MUSK: variants seen among roughly 807,000 people sequenced by gnomAD.
MUSK encodes the protein muscle, skeletal receptor tyrosine-protein kinase.
Under a neutral mutation model 88.7 loss-of-function variants are expected in MUSK, and 55 were observed. The observed-to-expected ratio is 0.62, with a 90% confidence interval of 0.50 to 0.78. The LOEUF (loss-of-function observed/expected upper bound fraction) is 0.78. Ranked by LOEUF, MUSK falls within the 30% of genes least tolerant of loss-of-function variation. MUSK has a pLI of 0.00. For missense variants in MUSK, 1,015 were observed against 1,074.3 expected (o/e 0.94, Z 0.77); for synonymous variants, 387 against 391.9 (o/e 0.99, Z 0.15).
intron 5 of MUSK, 82 bp downstream of exon 5, chr9:110,697,548 A>G (rs1388214352): frequency 2.8e-6 from 4 of 1,448,776 alleles, no homozygotes; most frequent in Non-Finnish European, 2.8e-6. Context: ...GGCTTGGGAG[A>G]GAAGAGATGT....
At chr9:110,681,087 A>AT in intron 1 of MUSK, among the ~76,000 whole-genome samples, 1 of 16,142 alleles carries the variant, frequency 6.2e-5, no homozygotes, top group African/African-American at 5.1e-4. Flanking sequence ...ATATTATATA[A>AT]TATATATTAT....
intron 5 of MUSK, among the ~76,000 whole-genome samples, chr9:110,703,702 A>C (rs2076560319): frequency 6.6e-6 from 1 of 152,148 alleles, no homozygotes; most frequent in Non-Finnish European, 1.5e-5. Flanking sequence ...TTCAGAATTT[A>C]GAATTCAGTG....
intron 1 of MUSK, among the ~76,000 whole-genome samples, chr9:110,672,838 C>T (rs1276957449): frequency 6.6e-6 from 1 of 152,174 alleles, no homozygotes. Flanking sequence ...TAGTCATATG[C>T]GAGAGCCCAT....
At chr9:110,748,136 TC>T (rs1278673781) in intron 7 of MUSK, 1 of 402,220 alleles carries the variant, frequency 2.5e-6, no homozygotes, top group East Asian at 6.3e-5. Flanking sequence ...CTCCCTTTTT[TC>T]CTTCCTTCTT....
chr9:110,729,548 T>A (rs1425571722), intron 5 of MUSK, among the ~76,000 whole-genome samples: 1 of 151,922 alleles, frequency 6.6e-6, no homozygotes, highest in African/African-American at 2.4e-5. Context: ...AGATAATGTT[T>A]TCTTATTTTT....
chr9:110,680,004 G>A (rs962886922), intron 1 of MUSK, among the ~76,000 whole-genome samples: 2 of 151,928 alleles, frequency 1.3e-5, no homozygotes, highest in East Asian at 3.8e-4. Context: ...TTATGCTATT[G>A]TTTTTTATAA....
chr9:110,702,400 G>A (rs957918896), intron 5 of MUSK, among the ~76,000 whole-genome samples: 4 of 152,096 alleles, frequency 2.6e-5, no homozygotes, highest in African/African-American at 9.7e-5. Flanking sequence ...GTATAAAGCT[G>A]AGAACCACAA....
At chr9:110,670,591 G>A (rs1476112014) in intron 1 of MUSK, among the ~76,000 whole-genome samples, 1 of 151,976 alleles carries the variant, frequency 6.6e-6, no homozygotes, top group Non-Finnish European at 1.5e-5. Context: ...TAATTCAAAT[G>A]CACACTATCT....
intron 13 of MUSK, 119 bp from the exon 14 acceptor site, chr9:110,787,571 C>T (rs989315379): frequency 2.0e-5 from 18 of 916,922 alleles, no homozygotes; most frequent in East Asian, 5.4e-5. Context: ...GGAAAGGCTG[C>T]GTGAGACTTA....
intron 5 of MUSK, among the ~76,000 whole-genome samples, chr9:110,729,746 G>A (rs1218743776): frequency 3.3e-5 from 5 of 151,908 alleles, no homozygotes; most frequent in Non-Finnish European, 2.9e-5. Flanking sequence ...GGAGCTCCTT[G>A]TGTCCTTTGA....
intron 5 of MUSK, among the ~76,000 whole-genome samples, chr9:110,725,196 C>A (rs1240699885): frequency 6.6e-6 from 1 of 151,822 alleles, no homozygotes; most frequent in East Asian, 1.9e-4. Flanking sequence ...TAAGTGGGAG[C>A]TAAGATAATG....
At position 110,747,728 on chromosome 9, in the gene MUSK, A is replaced by G. The variant is rs1279428295; in HGVS notation, c.841A>G (p.Thr281Ala). Residue 281 changes from threonine (T) to alanine (A), a missense_variant, in exon 7 of 15, where the codon ACA becomes GCA. Coordinates refer to ENST00000374448, the MANE Select transcript of MUSK (RefSeq NM_005592.4). ...QLFITKPGLY[T>A]CIATNKHGEK... is the part of the protein sequence containing the mutation. ...GTTTATCACCAAGCCAGGACTCTAC[A>G]CATGCATAGCTACCAATAAGCATGG... is the stretch of plus-strand genomic sequence containing the variant. The G allele has an allele frequency of 1.9e-6, 3 of 1,613,754 alleles. No homozygotes were observed. Among genetic ancestry groups the G allele is most frequent in the Non-Finnish European group, 2.5e-6 (3 of 1,179,802 alleles).
chr9:110,781,339 C>A (rs1212953250), intron 11 of MUSK, among the ~76,000 whole-genome samples: 2 of 152,058 alleles, frequency 1.3e-5, no homozygotes, highest in Non-Finnish European at 2.9e-5. Flanking sequence ...TGCAGTGGCA[C>A]AATCTTGGTT....
At chr9:110,727,795 T>C (rs1438199030) in intron 5 of MUSK, 1 of 152,124 alleles carries the variant, frequency 6.6e-6, no homozygotes, top group African/African-American at 2.4e-5. Flanking sequence ...GCAAGTGTAT[T>C]ATTGTCATTG....
chr9:110,714,929 T>C (rs958822923), intron 5 of MUSK, among the ~76,000 whole-genome samples: 3 of 137,502 alleles, frequency 2.2e-5, no homozygotes, highest in African/African-American at 6.6e-5. Flanking sequence ...TGAGCATCTA[T>C]GTTTTAATAA....
chr9:110,785,866 C>T lies in MUSK; in HGVS notation c.1778+148C>T, dbSNP rs1036944603. The T allele has an allele frequency of 6.7e-6, 3 of 447,544 alleles. No individual in the cohort carries two copies. In the Admixed American group the frequency reaches 1.1e-4, roughly 17 times the overall value. The allele number at this position is 447,544 out of a possible 1,614,324, so 27.7% of individuals were successfully genotyped here. A position where few individuals can be genotyped will look rare whatever the true frequency, so the allele number is the denominator to read the frequency against. On this transcript the variant is annotated intron_variant, in intron 13 of 14. Coordinates refer to ENST00000374448, the MANE Select transcript of MUSK (RefSeq NM_005592.4). ...TATATATCAAGCTAATGATATAGTA[C>T]ATATATATGTACACTGTGTGTGTAT...
intron 1 of MUSK, 93 bp downstream of exon 1, chr9:110,669,076 G>A (rs1173221964): frequency 8.6e-7 from 1 of 1,156,368 alleles, no homozygotes; most frequent in Non-Finnish European, 1.3e-6. Context: ...ATAGTATGGT[G>A]GGCTTGGGTT....
intron 11 of MUSK, among the ~76,000 whole-genome samples, chr9:110,780,585 T>C (rs927353741): frequency 2.6e-5 from 4 of 152,220 alleles, no homozygotes; most frequent in Admixed American, 6.5e-5. Context: ...TATCAAATTG[T>C]TTTCTTTTAT....
chr9:110,719,121 A>C (rs1174715813), intron 5 of MUSK, among the ~76,000 whole-genome samples: 2 of 152,108 alleles, frequency 1.3e-5, no homozygotes, highest in African/African-American at 4.8e-5. Context: ...GAACCTCTTT[A>C]AAGTTTACAT....
Sources: allele counts gnomAD v4.1 joint callset (sites outside exome capture counted in the v4.1 genomes callset), GRCh38; gene constraint gnomAD v4.1.1; transcripts MANE v1.5; gene names NCBI Gene and HGNC (gene_info 2026-07-23, HGNC 2026-07-21).